ANK2: variants seen among roughly 807,000 people sequenced by gnomAD.
ANK2 encodes the protein ankyrin-2.
A neutral mutation model predicts 360.5 loss-of-function variants in ANK2; 83 were observed. The ratio of observed to expected loss-of-function variants is 0.23; its 90% CI spans 0.19 to 0.28. The LOEUF (loss-of-function observed/expected upper bound fraction) is 0.28, where lower values mean the gene tolerates loss of function less well. ANK2 is among the 10% of genes least tolerant of loss of function. ANK2 has a pLI of 1.00. For synonymous variants in ANK2, 1,740 were observed against 1,759.5 expected, an observed-to-expected ratio of 0.99 and a Z score of 0.28; for missense variants, 4,201 against 4,795.7, an observed-to-expected ratio of 0.88 and a Z score of 3.66.
the ANK2 span, among the ~76,000 whole-genome samples, chr4:112,766,746 C>T: frequency 9.2e-5 from 14 of 152,300 alleles, no homozygotes; most frequent in South Asian, 1.4e-3. Context: ...AACATCTGTG[C>T]GTCTCTAAAC....
In ANK2 at chr4:112,863,592, G is replaced by C. The variant is rs561665700; in HGVS notation, c.-39-40863G>C. On this transcript the variant is annotated intron_variant, in intron 1 of 30. Transcript: ENST00000503271. ...GGCTGGAGTGCAGTGGCGCGATCTC[G>C]GCTCACTGCAAGCTCCGCCTCCCGG... Among the ~76,000 whole-genome samples the C allele has an allele frequency of 2.8e-3, 396 of 140,018 alleles. 2 individuals carry two copies. The highest frequency in any genetic ancestry group is 4.6e-3 in the Non-Finnish European group (306 of 66,502). The allele number at this position is 140,018 out of a possible 152,430, so 91.9% of individuals were successfully genotyped here. A position where few individuals can be genotyped will look rare whatever the true frequency, so the allele number is the denominator to read the frequency against.
At chr4:113,050,605 GC>G (rs1467964109) in intron 1 of ANK2, among the ~76,000 whole-genome samples, 1 of 152,098 alleles carries the variant, frequency 6.6e-6, no homozygotes, top group African/African-American at 2.4e-5. Context: ...GTAAACTGTT[GC>G]AGCCTCACAG....
intron 1 of ANK2, among the ~76,000 whole-genome samples, chr4:112,902,922 G>T (rs987386993): frequency 6.6e-6 from 1 of 152,202 alleles, no homozygotes; most frequent in Non-Finnish European, 1.5e-5. Context: ...ATTGAACAGG[G>T]TGTGTGCCAG....
chr4:112,743,510 C>T, the ANK2 span, among the ~76,000 whole-genome samples: 1 of 141,856 alleles, frequency 7.0e-6, no homozygotes, highest in Non-Finnish European at 1.5e-5. Context: ...TCCTTCCTTC[C>T]TTCCTTCCTT....
At chr4:112,975,102 C>T (rs1474432272) in intron 2 of ANK2, among the ~76,000 whole-genome samples, 4 of 152,140 alleles carry the variant, frequency 2.6e-5, no homozygotes, top group East Asian at 3.8e-4. Context: ...TCATCCAGTC[C>T]GGGAAATGCC....
At chr4:113,228,766 A>G (rs1056090837) in intron 4 of ANK2, among the ~76,000 whole-genome samples, 6 of 152,058 alleles carry the variant, frequency 3.9e-5, no homozygotes, top group African/African-American at 1.4e-4. Flanking sequence ...ACTTTAGCTC[A>G]TCTCTTTGTA....
chr4:112,735,561 G>A, the ANK2 span, among the ~76,000 whole-genome samples: 2 of 152,116 alleles, frequency 1.3e-5, no homozygotes, highest in East Asian at 3.9e-4. Flanking sequence ...TTCCCACAAG[G>A]GGGCTTTCCT....
chr4:112,715,599 C>A, the ANK2 span, among the ~76,000 whole-genome samples: 1 of 152,190 alleles, frequency 6.6e-6, no homozygotes, highest in South Asian at 2.1e-4. Flanking sequence ...CTTAAATCTT[C>A]ATAAATCACT....
In ANK2 at chr4:113,317,802, G is replaced by C. The variant is rs1033764497; in HGVS notation, c.2789G>C (p.Ser930Thr). The C allele has an allele frequency of 1.2e-6, 2 of 1,612,940 alleles. No homozygotes were observed. Among genetic ancestry groups the C allele is most frequent in the Non-Finnish European group, 1.7e-6 (2 of 1,179,000 alleles). The stretch of plus-strand genomic sequence containing the variant: ...ATGGATGACTCAGTTGTGATTCCCA[G>C]TCACCAGGTATGTGACATTTTGCCT... ...AVMDDSVVIP[S>T]HQVSTLAKEA... is the part of the protein sequence containing the mutation. Residue 930 changes from serine (S) to threonine (T), a missense_variant, in exon 25 of 46, where the codon AGT becomes ACT. Physicochemically the swap from Ser to Thr is moderately conservative, Grantham distance 58. Coordinates refer to ENST00000357077, the MANE Select transcript of ANK2 (RefSeq NM_001148.6).
chr4:113,294,386 T>C (rs2069835635), intron 22 of ANK2, among the ~76,000 whole-genome samples: 1 of 152,192 alleles, frequency 6.6e-6, no homozygotes, highest in Admixed American at 6.5e-5. Context: ...CTTCGTAAAG[T>C]AGAAAAGTAG....
the ANK2 span, among the ~76,000 whole-genome samples, chr4:112,732,390 T>G: frequency 6.6e-6 from 1 of 151,628 alleles, no homozygotes; most frequent in African/African-American, 2.4e-5. Flanking sequence ...CTACAGGCAC[T>G]ACATTACCAT....
chr4:113,275,885 A>C (rs1289920284), intron 15 of ANK2, among the ~76,000 whole-genome samples: 1 of 152,034 alleles, frequency 6.6e-6, no homozygotes, highest in Non-Finnish European at 1.5e-5. Flanking sequence ...AAAAAATATA[A>C]CTATATCCAT....
chr4:113,021,530 C>CCACACACACA (rs143469138), intron 2 of ANK2, among the ~76,000 whole-genome samples: 1 of 13,088 alleles, frequency 7.6e-5, no homozygotes, highest in Non-Finnish European at 1.8e-4. Flanking sequence ...ACACACACAC[C>CCACACACACA]CACACACAAA....
chr4:112,920,160 C>T (rs1198794870), intron 2 of ANK2, among the ~76,000 whole-genome samples: 2 of 152,156 alleles, frequency 1.3e-5, no homozygotes, highest in Non-Finnish European at 2.9e-5. Flanking sequence ...TCTTTTTCAC[C>T]ACTCTATGTT....
intron 2 of ANK2, among the ~76,000 whole-genome samples, chr4:112,949,861 T>C (rs1355862316): frequency 3.3e-5 from 5 of 152,114 alleles, no homozygotes; most frequent in Non-Finnish European, 7.4e-5. Flanking sequence ...AATTTTATAG[T>C]GGAGAAATAA....
At chr4:112,783,950 A>G in the ANK2 span, among the ~76,000 whole-genome samples, 1 of 151,872 alleles carries the variant, frequency 6.6e-6, no homozygotes. Context: ...CGCCTGGCTT[A>G]TGTTGATATA....
In ANK2 at chr4:113,374,858, C is replaced by G. The variant is rs780516354; in HGVS notation, c.11859+1409C>G. The G allele has an allele frequency of 7.9e-6, 10 of 1,273,434 alleles. No individual in the cohort carries two copies. The South Asian group carries it at 1.0e-4, about 13-fold the overall frequency. 78.9% of individuals were successfully genotyped at this position (1,273,434 alleles called of 1,614,324 possible). ...AGAGTCAGCAAAGTTGTTAAAACAA[C>G]TGTGGTACTTGGAGAGAGGATGGAG... On this transcript the variant is annotated intron_variant, in intron 45 of 45. Coordinates refer to ENST00000357077, the MANE Select transcript of ANK2 (RefSeq NM_001148.6).
intron 1 of ANK2, among the ~76,000 whole-genome samples, chr4:113,055,568 G>A (rs1025901951): frequency 5.9e-5 from 9 of 152,122 alleles, no homozygotes; most frequent in Non-Finnish European, 1.0e-4. Flanking sequence ...AAGTCTAGAT[G>A]GCAGCAGCAA....
At chr4:113,350,182 C>T in intron 36 of ANK2, 46 bp from the exon 37 acceptor site, 4 of 1,582,840 alleles carry the variant, frequency 2.5e-6, no homozygotes, top group Non-Finnish European at 3.5e-6. Context: ...GGCTATGAGC[C>T]AAGGCAGTAT....
Sources: allele counts gnomAD v4.1 joint callset (sites outside exome capture counted in the v4.1 genomes callset), GRCh38; gene constraint gnomAD v4.1.1; transcripts MANE v1.5; gene names NCBI Gene and HGNC (gene_info 2026-07-23, HGNC 2026-07-21).